The following VTA1 variants were observed in gnomAD, a reference collection of about 807,000 sequenced individuals.
VTA1 encodes the protein vesicle trafficking 1.
VTA1 carries 24 observed loss-of-function variants against 36.9 expected under a neutral mutation model. The ratio of observed to expected loss-of-function variants is 0.65; its 90% confidence interval spans 0.47 to 0.91. VTA1 has a LOEUF of 0.91. Among genes scored for constraint, VTA1 ranks in the 40% least tolerant of loss-of-function variants. The pLI, the probability that VTA1 is intolerant of heterozygous loss-of-function variation, is 0.00. For synonymous variants in VTA1, 142 were observed against 130.2 expected (o/e 1.09, Z -0.62); for missense variants, 393 against 377.2 (o/e 1.04, Z -0.35).
intron 5 of VTA1, among the ~76,000 whole-genome samples, chr6:142,194,413 TA>T (rs1775507961): frequency 6.6e-6 from 1 of 152,178 alleles, no homozygotes; most frequent in African/African-American, 2.4e-5. Flanking sequence ...TCCATTTATT[TA>T]AGTTTTCTGT....
chr6:142,156,609 C>A (rs1340252996), intron 1 of VTA1, among the ~76,000 whole-genome samples: 1 of 152,064 alleles, frequency 6.6e-6, no homozygotes, highest in African/African-American at 2.4e-5. Flanking sequence ...TATAAAATTT[C>A]AAGTTTCAAT....
chr6:142,192,345 G>A (rs1775470853), intron 5 of VTA1, among the ~76,000 whole-genome samples: 1 of 152,020 alleles, frequency 6.6e-6, no homozygotes, highest in Non-Finnish European at 1.5e-5. Context: ...ATGTTCGGTA[G>A]CTTAGGTATT....
intron 1 of VTA1, among the ~76,000 whole-genome samples, chr6:142,149,307 T>A (rs1778520142): frequency 6.6e-6 from 1 of 152,168 alleles, no homozygotes; most frequent in Non-Finnish European, 1.5e-5. Flanking sequence ...CACTTAACAA[T>A]TTTAGTTATG....
intron 4 of VTA1, among the ~76,000 whole-genome samples, chr6:142,174,366 C>T (rs902294566): frequency 2.6e-5 from 4 of 152,116 alleles, no homozygotes; most frequent in Admixed American, 2.6e-4. Flanking sequence ...TTGTGTGGGG[C>T]CTATCGTGCC....
intron 7 of VTA1, among the ~76,000 whole-genome samples, chr6:142,208,473 A>G (rs1775839666): frequency 6.6e-6 from 1 of 152,176 alleles, no homozygotes; most frequent in African/African-American, 2.4e-5. Context: ...AGAGCCATTG[A>G]TGTTCAAGAG....
chr6:142,218,451 C>T, intron 7 of VTA1, 47 bp from the exon 8 acceptor site: 1 of 1,593,908 alleles, frequency 6.3e-7, no homozygotes, highest in Non-Finnish European at 8.5e-7. Context: ...CCTTACAGAA[C>T]ACTTTTTATA....
chr6:142,158,510 A>G (rs995109930), intron 1 of VTA1, among the ~76,000 whole-genome samples: 1 of 152,220 alleles, frequency 6.6e-6, no homozygotes, highest in South Asian at 2.1e-4. Flanking sequence ...ATTAGTTATT[A>G]TCAAGTTATT....
At chr6:142,170,310 C>G (rs1200809112) in intron 3 of VTA1, 36 bp from the exon 4 acceptor site, 7 of 1,401,914 alleles carry the variant, frequency 5.0e-6, no homozygotes, top group Non-Finnish European at 6.7e-6. Flanking sequence ...TAATGTGTTT[C>G]ATATTTAAAC....
intron 5 of VTA1, 109 bp from the exon 6 acceptor site, chr6:142,198,330 T>C (rs1370243063): frequency 1.9e-6 from 2 of 1,041,894 alleles, no homozygotes; most frequent in Non-Finnish European, 2.6e-6. Context: ...CTGCATTAAA[T>C]AGAATTGCAT....
At chr6:142,158,509 TATC>T (rs1778707887) in intron 1 of VTA1, among the ~76,000 whole-genome samples, 1 of 152,222 alleles carries the variant, frequency 6.6e-6, no homozygotes, top group Non-Finnish European at 1.5e-5. Flanking sequence ...TATTAGTTAT[TATC>T]AAGTTATTAT....
Position 142,190,146 on chromosome 6 carries a change from G to A in VTA1, c.520+612G>A, listed in dbSNP as rs555171617. Among the ~76,000 whole-genome samples the A allele has an allele frequency of 8.0e-4, 121 of 152,186 alleles. 4 individuals are homozygous for A. In the South Asian group the frequency reaches 0.021, roughly 26 times the overall value. On this transcript the variant is annotated intron_variant, in intron 5 of 7. Coordinates refer to ENST00000367630, the MANE Select transcript of VTA1 (RefSeq NM_016485.5). Reference sequence around the variant, plus strand: ...ATGTTTTCAAACCACGAAGAATACCGTATCATTTTTTGTAAATCTATTTGA... The same window carrying A: ...ATGTTTTCAAACCACGAAGAATACCATATCATTTTTTGTAAATCTATTTGA...
rs76538722 is a variant in VTA1, at chr6:142,154,367, A to T, written c.112+6968A>T. On this transcript the variant is annotated intron_variant, in intron 1 of 7. Coordinates refer to ENST00000367630, the MANE Select transcript of VTA1 (RefSeq NM_016485.5). Reference sequence around the variant, plus strand: ...CCCTATGTGTATACTACAGTGTAACAGTTTAATCATTGAAGACATTTAAGT... The same window carrying T: ...CCCTATGTGTATACTACAGTGTAACTGTTTAATCATTGAAGACATTTAAGT... Among the ~76,000 whole-genome samples, 945 of 152,222 alleles carry T rather than the reference A, an allele frequency of 6.2e-3. 9 individuals are homozygous for T. Among genetic ancestry groups the T allele is most frequent in the African/African-American group, 0.022 (898 of 41,568 alleles).
rs151175462 is a variant in VTA1, at chr6:142,169,261, G to C, written c.208-289G>C. ...GAAATATTTGATGCTTCCTTCACATGGATAATTGGATATATTATCCTTTTA... is the reference window on the plus strand; with the variant it reads ...GAAATATTTGATGCTTCCTTCACATCGATAATTGGATATATTATCCTTTTA... On this transcript the variant is annotated intron_variant, in intron 2 of 7. Transcript: ENST00000367630. 4.7e-3 allele frequency among the ~76,000 whole-genome samples: 719 copies of C among 152,186 alleles called. 7 individuals are homozygous for C. The highest frequency in any genetic ancestry group is 7.1e-3 in the Non-Finnish European group (486 of 68,008).
chr6:142,171,025 T>A (rs1775020704), intron 4 of VTA1, among the ~76,000 whole-genome samples: 1 of 152,226 alleles, frequency 6.6e-6, no homozygotes, highest in South Asian at 2.1e-4. Context: ...TCTTACTAAG[T>A]ATTAACATAT....
chr6:142,167,224 T>C (rs764802979), intron 2 of VTA1, among the ~76,000 whole-genome samples: 12 of 152,124 alleles, frequency 7.9e-5, no homozygotes, highest in Non-Finnish European at 1.5e-4. Flanking sequence ...AAGTGCCTAT[T>C]GGATTGGATG....
At chr6:142,163,562 G>A (rs931523954) in intron 1 of VTA1, among the ~76,000 whole-genome samples, 3 of 152,102 alleles carry the variant, frequency 2.0e-5, no homozygotes, top group Non-Finnish European at 2.9e-5. Context: ...AAAGAAGACT[G>A]CAAATACAAT....
At chr6:142,210,377 T>C (rs1459768996) in intron 7 of VTA1, among the ~76,000 whole-genome samples, 1 of 152,192 alleles carries the variant, frequency 6.6e-6, no homozygotes, top group Admixed American at 6.5e-5. Context: ...AAAGATTTTT[T>C]TGTGTGTAAG....
intron 7 of VTA1, among the ~76,000 whole-genome samples, chr6:142,207,078 A>C (rs1414959454): frequency 2.0e-5 from 3 of 152,174 alleles, no homozygotes; most frequent in African/African-American, 7.2e-5. Context: ...TGAGATTGAC[A>C]CCAGCAACAA....
chr6:142,215,658 T>C (rs965023340), intron 7 of VTA1, among the ~76,000 whole-genome samples: 5 of 152,100 alleles, frequency 3.3e-5, no homozygotes, highest in Non-Finnish European at 7.4e-5. Flanking sequence ...AATGAGATTA[T>C]CCAAGGCCTT....
Sources: allele counts gnomAD v4.1 joint callset (sites outside exome capture counted in the v4.1 genomes callset), GRCh38; gene constraint gnomAD v4.1.1; transcripts MANE v1.5; gene names NCBI Gene and HGNC (gene_info 2026-07-23, HGNC 2026-07-21).